The following ITK variants were observed in gnomAD, a reference collection of about 807,000 sequenced individuals.
The protein encoded by ITK is tyrosine-protein kinase ITK/TSK.
A neutral mutation model predicts 87.6 loss-of-function variants in ITK; 45 were observed. The observed-to-expected ratio is 0.51, with a 90% CI of 0.40 to 0.66. The LOEUF is 0.66. Among genes scored for constraint, ITK ranks in the 30% least tolerant of loss-of-function variants. The pLI is 0.00. For missense variants in ITK, 605 were observed against 766.3 expected (o/e 0.79, Z 2.48); for synonymous variants, 303 against 273.6 (o/e 1.11, Z -1.06).
chr5:157,253,849 G>C lies in ITK; in HGVS notation c.*1171G>C, dbSNP rs886060331. 1 of 222,938 alleles carries C rather than the reference G, an allele frequency of 4.5e-6. No individual in the cohort carries two copies. Among genetic ancestry groups the C allele is most frequent in the Non-Finnish European group, 9.0e-6 (1 of 111,712 alleles). 13.8% of individuals were successfully genotyped at this position (222,938 alleles called of 1,614,324 possible). On this transcript the variant is annotated 3_prime_UTR_variant, in exon 17 of 17. Transcript: ENST00000422843. ...TGGGGTGCTTCCAAGAGGCATGAGAGTGCCTACTCTGGCTTGAGCACTTCT... is the reference window on the plus strand; with the variant it reads ...TGGGGTGCTTCCAAGAGGCATGAGACTGCCTACTCTGGCTTGAGCACTTCT...
chr5:157,206,633 G>A (rs1399211037), intron 1 of ITK, among the ~76,000 whole-genome samples: 1 of 152,118 alleles, frequency 6.6e-6, no homozygotes, highest in Non-Finnish European at 1.5e-5. Flanking sequence ...ATGTTGTCCA[G>A]GAATGGATTC....
At chr5:157,252,266 T>C (rs1160093910) in intron 16 of ITK, among the ~76,000 whole-genome samples, 5 of 152,244 alleles carry the variant, frequency 3.3e-5, no homozygotes, top group Non-Finnish European at 7.3e-5. Context: ...AATTTCTTGA[T>C]ATATTTTTAT....
At chr5:157,213,633 C>T (rs897721759) in intron 3 of ITK, 3 of 445,046 alleles carry the variant, frequency 6.7e-6, no homozygotes, top group Non-Finnish European at 1.3e-5. Flanking sequence ...CCTCTTGCCT[C>T]GGCCTACGAA....
intron 1 of ITK, among the ~76,000 whole-genome samples, chr5:157,194,380 C>A (rs1176211364): frequency 6.6e-6 from 1 of 152,144 alleles, no homozygotes; most frequent in African/African-American, 2.4e-5. Context: ...GATGCTGTAT[C>A]CGCCTCAGCA....
At chr5:157,244,170 A>G (rs1255618301) in intron 12 of ITK, 92 bp from the exon 13 acceptor site, 1 of 1,022,296 alleles carries the variant, frequency 9.8e-7, no homozygotes, top group Non-Finnish European at 1.5e-6. Flanking sequence ...AAATTAGACA[A>G]AATGACCATT....
At chr5:157,248,318 T>C (rs1461122651) in intron 15 of ITK, among the ~76,000 whole-genome samples, 1 of 152,196 alleles carries the variant, frequency 6.6e-6, no homozygotes, top group Non-Finnish European at 1.5e-5. Flanking sequence ...AGGTCAAAAA[T>C]AGACAAGCAA....
Position 157,253,695 on chromosome 5 carries a change from T to A in ITK, c.*1017T>A, listed in dbSNP as rs1755194044. On this transcript the variant is annotated 3_prime_UTR_variant, in exon 17 of 17. Coordinates refer to ENST00000422843, the MANE Select transcript of ITK (RefSeq NM_005546.4). ...GGTCAATGTTCCCTTGGCGAGCAAT[T>A]GAAACTTGTTTAGGCCCTAGGGTTG... is the stretch of plus-strand genomic sequence containing the variant. 4.5e-6 allele frequency: 1 copy of A among 222,370 alleles called. No individual in the cohort carries two copies. The allele number at this position is 222,370 out of a possible 1,614,324, so 13.8% of individuals were successfully genotyped here.
chr5:157,185,008 C>T (rs915509081), intron 1 of ITK, among the ~76,000 whole-genome samples: 2 of 152,152 alleles, frequency 1.3e-5, no homozygotes, highest in African/African-American at 2.4e-5. Flanking sequence ...TTCCCTTTAG[C>T]CTACAGTCTT....
intron 1 of ITK, among the ~76,000 whole-genome samples, chr5:157,198,828 T>C (rs1753902557): frequency 6.6e-6 from 1 of 152,214 alleles, no homozygotes; most frequent in South Asian, 2.1e-4. Context: ...AGGGACATGA[T>C]AATGACTCAC....
intron 1 of ITK, among the ~76,000 whole-genome samples, chr5:157,189,602 A>G (rs184007058): frequency 1.7e-4 from 26 of 152,214 alleles, no homozygotes; most frequent in Non-Finnish European, 2.9e-4. Flanking sequence ...AATTGCTTGA[A>G]CCCAGGAGGC....
chr5:157,236,645 C>T (rs952670702), intron 8 of ITK, among the ~76,000 whole-genome samples: 2 of 152,182 alleles, frequency 1.3e-5, no homozygotes, highest in Admixed American at 6.5e-5. Flanking sequence ...TTTGGCTTAA[C>T]AAATGTTACC....
intron 6 of ITK, chr5:157,224,284 A>G (rs1242823667): frequency 2.2e-5 from 3 of 136,264 alleles, no homozygotes; most frequent in Admixed American, 2.1e-4. Flanking sequence ...ACTCTGTCTC[A>G]AAAAAAAAAA....
intron 13 of ITK, chr5:157,244,924 C>A: frequency 4.4e-6 from 1 of 229,716 alleles, no homozygotes; most frequent in Non-Finnish European, 8.8e-6. Context: ...TTTGTATGCA[C>A]ATTAAAATTT....
At chr5:157,230,338 A>G (rs1011238900) in intron 7 of ITK, among the ~76,000 whole-genome samples, 2 of 152,236 alleles carry the variant, frequency 1.3e-5, no homozygotes, top group Non-Finnish European at 2.9e-5. Context: ...GAAATTATTT[A>G]AAAATTTTAA....
chr5:157,224,157 G>A lies in ITK; in HGVS notation c.647+1143G>A, dbSNP rs569190339. On this transcript the variant is annotated intron_variant, in intron 6 of 16. Transcript: ENST00000422843. ...AAATTAGCATGGTGTGGTGGCTCAA[G>A]CCTGTAATCCCAGCTACTCCACTGG... Among the ~76,000 whole-genome samples, 82 of 151,962 alleles carry A rather than the reference G, an allele frequency of 5.4e-4. 1 individual carries two copies. The South Asian group carries it at 0.014, about 26-fold the overall frequency.
chr5:157,209,092 T>C, intron 2 of ITK, 99 bp downstream of exon 2: 1 of 834,272 alleles, frequency 1.2e-6, no homozygotes, highest in Non-Finnish European at 2.1e-6. Context: ...TCCTAGCACT[T>C]TGGGAGGTTG....
chr5:157,206,476 T>G (rs1215846575), intron 1 of ITK, among the ~76,000 whole-genome samples: 1 of 152,210 alleles, frequency 6.6e-6, no homozygotes, highest in East Asian at 1.9e-4. Context: ...GGCTCTTCTT[T>G]GTACATCTGG....
At chr5:157,217,744 C>A in intron 4 of ITK, 123 bp from the exon 5 acceptor site, 1 of 799,710 alleles carries the variant, frequency 1.3e-6, no homozygotes, top group Non-Finnish European at 2.2e-6. Flanking sequence ...CTCCTTCTGG[C>A]CCCCTTTCTT....
intron 5 of ITK, among the ~76,000 whole-genome samples, chr5:157,219,052 T>C (rs1019150455): frequency 6.6e-6 from 1 of 151,784 alleles, no homozygotes; most frequent in Non-Finnish European, 1.5e-5. Flanking sequence ...ATCATGACCT[T>C]TAGGTAGGGA....
Sources: gnomAD v4.1 joint callset for allele counts (sites outside exome capture counted in the v4.1 genomes callset) on GRCh38, gnomAD v4.1.1 for gene constraint, MANE v1.5 for transcripts, NCBI Gene and HGNC (gene_info 2026-07-23, HGNC 2026-07-21) for gene names.